Variants in ADRA1A observed in about 807,000 individuals in gnomAD.
ADRA1A encodes alpha-1A adrenergic receptor.
In ADRA1A, 31 loss-of-function variants were observed where a neutral mutation model predicts 29.6. The observed-to-expected ratio is 1.05, with a 90% CI of 0.79 to 1.41. The LOEUF (loss-of-function observed/expected upper bound fraction) is 1.41, where lower values mean the gene tolerates loss of function less well. Ranked by LOEUF, ADRA1A falls within the 40% of genes most tolerant of loss-of-function variation. The probability of loss-of-function intolerance (pLI) is 0.00; values close to 1 mark genes in which losing one functional copy is unlikely to be tolerated. For synonymous variants in ADRA1A, 311 were observed against 254.3 expected, an observed-to-expected ratio of 1.22 and a Z score of -2.12; for missense variants, 619 against 601.1, an observed-to-expected ratio of 1.03 and a Z score of -0.31.
chr8:26,781,404 CT>C, intron 2 of ADRA1A, among the ~76,000 whole-genome samples: 1 of 152,216 alleles, frequency 6.6e-6, no homozygotes, highest in East Asian at 1.9e-4. Context: ...CAACATGATT[CT>C]CAATGAATGC....
In ADRA1A at chr8:26,867,261, C is replaced by A; in HGVS notation, c.-1012G>T. ...AAAAGAATAGCAAGGAACTTTGCAGCTCTCGCTGACGTAACTCAGGCAGTA... is the reference window on the plus strand; with the variant it reads ...AAAAGAATAGCAAGGAACTTTGCAGATCTCGCTGACGTAACTCAGGCAGTA... On this transcript the variant is annotated 5_prime_UTR_variant, in exon 1 of 3. Transcript: ENST00000380573. The A allele has an allele frequency of 2.0e-6, 2 of 985,482 alleles. No individual in the cohort carries two copies. The highest frequency in any genetic ancestry group is 2.4e-6 in the Non-Finnish European group (2 of 829,956). The allele number at this position is 985,482 out of a possible 1,614,324, so 61.0% of individuals were successfully genotyped here. A position where few individuals can be genotyped will look rare whatever the true frequency, so the allele number is the denominator to read the frequency against.
At chr8:26,795,865 C>A (rs1808156287) in intron 2 of ADRA1A, among the ~76,000 whole-genome samples, 1 of 151,812 alleles carries the variant, frequency 6.6e-6, no homozygotes, top group African/African-American at 2.4e-5. Flanking sequence ...ATAGAAATTC[C>A]AAGAAAAAGA....
rs538799421 is a variant in ADRA1A, at chr8:26,865,694, C to A, written c.-686-39G>T. The stretch of plus-strand genomic sequence containing the variant: ...AAGAGAAAGGCGGCTTTGAGCTAGG[C>A]GCCCCAGGGAAAGAGGCTGTGCTGA... On this transcript the variant is annotated intron_variant, in intron 1 of 2. Coordinates refer to ENST00000380573, the MANE Select transcript of ADRA1A (RefSeq NM_000680.4). This position sits in a 1 kb window ranked among gnomAD's most constrained non-coding sequence, Gnocchi z 7.6. The A allele has an allele frequency of 5.1e-6, 5 of 985,762 alleles. No individual in the cohort carries two copies. The highest frequency in any genetic ancestry group is 1.7e-5 in the African/African-American group (1 of 57,364). 61.1% of individuals were successfully genotyped at this position (985,762 alleles called of 1,614,324 possible). A position where few individuals can be genotyped will look rare whatever the true frequency, so the allele number is the denominator to read the frequency against.
chr8:26,766,260 C>T, downstream of ADRA1A: 1 of 784,876 alleles, frequency 1.3e-6, no homozygotes, highest in Non-Finnish European at 2.2e-6. Flanking sequence ...TTTCTATGAA[C>T]TGTGGTTGGT....
At chr8:26,862,154 T>C (rs1231169066) in intron 2 of ADRA1A, among the ~76,000 whole-genome samples, 1 of 152,208 alleles carries the variant, frequency 6.6e-6, no homozygotes, top group Non-Finnish European at 1.5e-5. Flanking sequence ...TCCCTGTCTG[T>C]AGTTGAGCCA....
chr8:26,753,519 G>C (rs771003990), downstream of ADRA1A, among the ~76,000 whole-genome samples: 29 of 151,946 alleles, frequency 1.9e-4, no homozygotes, highest in Non-Finnish European at 3.7e-4. Context: ...TCTTTGGAAG[G>C]TAAACTTAAA....
chr8:26,851,050 GGAGT>G (rs145227119), intron 2 of ADRA1A, among the ~76,000 whole-genome samples: 3,258 of 152,190 alleles, frequency 0.021, 132 homozygotes, highest in African/African-American at 0.074. Flanking sequence ...CCAGAGCACA[GGAGT>G]GAGTAAGTCA....
At chr8:26,785,154 A>G (rs1482019380) in intron 2 of ADRA1A, among the ~76,000 whole-genome samples, 1 of 152,220 alleles carries the variant, frequency 6.6e-6, no homozygotes, top group Non-Finnish European at 1.5e-5. Flanking sequence ...ATATTGCAAT[A>G]AGGTGTACAT....
chr8:26,772,094 C>G lies in ADRA1A; in HGVS notation c.884-1428G>C, dbSNP rs187432264. On this transcript the variant is annotated intron_variant, in intron 2 of 2. Coordinates refer to ENST00000380573, the MANE Select transcript of ADRA1A (RefSeq NM_000680.4). ...AAGGTGGAAGCAAAGAAAGAAGAAT[C>G]TGGAGTCTGATGATAATATGGGCTT... 2.8e-3 allele frequency: 440 copies of G among 157,408 alleles called. 8 individuals are homozygous for G. Among genetic ancestry groups the G allele is most frequent in the Admixed American group, 0.023 (368 of 16,272 alleles). The allele number at this position is 157,408 out of a possible 1,614,324, so 9.8% of individuals were successfully genotyped here.
At position 26,864,491 on chromosome 8, in the gene ADRA1A, C is replaced by T. The variant is rs1037610094; in HGVS notation, c.479G>A (p.Gly160Glu). 17 of 1,613,804 alleles carry T rather than the reference C, an allele frequency of 1.1e-5. No individual in the cohort carries two copies. Among genetic ancestry groups the T allele is most frequent in the Non-Finnish European group, 1.4e-5 (17 of 1,180,042 alleles). The stretch of plus-strand genomic sequence containing the variant: ...CGGCTGCCTCCAGCCGAACAGGGGT[C>T]CAATGGATATGACCAGGGAGAGTGC... ...VWALSLVISI[G>E]PLFGWRQPAP... is the part of the protein sequence containing the mutation. Residue 160 changes from glycine (G) to glutamate (E), a missense_variant, in exon 2 of 3, where the codon GGA (glycine) becomes GAA (glutamate). Physicochemically the swap from Gly to Glu is moderately conservative, Grantham distance 98 (BLOSUM62 -2). Transcript: ENST00000380573. The surrounding 1 kb of genome is among the most constrained non-coding windows in gnomAD (Gnocchi z 8.1).
At chr8:26,804,747 G>T (rs1393186760) in intron 2 of ADRA1A, among the ~76,000 whole-genome samples, 2 of 152,188 alleles carry the variant, frequency 1.3e-5, no homozygotes, top group African/African-American at 4.8e-5. Context: ...ACCTCTGTGT[G>T]TCTCATTGGA....
Position 26,864,323 on chromosome 8 carries a change from C to CG in ADRA1A, c.646dup (p.Arg216ProfsTer85), listed in dbSNP as rs1486909427. On this transcript the variant is annotated frameshift_variant, in exon 2 of 3. Transcript: ENST00000380573. LOFTEE classifies it high-confidence loss of function. This position sits in a 1 kb window ranked among gnomAD's most constrained non-coding sequence, Gnocchi z 8.1. The stretch of plus-strand genomic sequence containing the variant: ...GGTCTTGAGGCCAGACTTGAGGCCC[C>CG]GGCTCTCCCTCTTGGCCACCACGTA... 6.2e-7 allele frequency: 1 copy of CG among 1,613,894 alleles called. No individual in the cohort carries two copies. The highest frequency in any genetic ancestry group is 1.3e-5 in the African/African-American group (1 of 74,936).
chr8:26,824,041 A>C (rs577713807), intron 2 of ADRA1A, among the ~76,000 whole-genome samples: 81 of 152,118 alleles, frequency 5.3e-4, no homozygotes, highest in Admixed American at 9.8e-4. Context: ...CTCAGCCCCC[A>C]CACCTGCTGT....
chr8:26,795,803 G>A (rs1808153150), intron 2 of ADRA1A, among the ~76,000 whole-genome samples: 1 of 152,112 alleles, frequency 6.6e-6, no homozygotes, highest in Non-Finnish European at 1.5e-5. Context: ...CCACTGTGAT[G>A]AAGTCAGCAA....
intron 2 of ADRA1A, among the ~76,000 whole-genome samples, chr8:26,804,765 A>T (rs1158718602): frequency 6.6e-6 from 1 of 152,226 alleles, no homozygotes; most frequent in South Asian, 2.1e-4. Flanking sequence ...GGAAGAACAT[A>T]TGATGCTTCG....
chr8:26,775,045 C>T lies in ADRA1A; in HGVS notation c.884-4379G>A, dbSNP rs1191999298. Reference sequence around the variant, plus strand: ...ACCAGCCTGGTTCAGGGGTGGGTGCCTCTGACCCAGTCACTCTGTGGGGAA... The same window carrying T: ...ACCAGCCTGGTTCAGGGGTGGGTGCTTCTGACCCAGTCACTCTGTGGGGAA... On this transcript the variant is annotated intron_variant, in intron 2 of 2. Transcript: ENST00000380573. This position sits in a 1 kb window ranked among gnomAD's most constrained non-coding sequence, Gnocchi z 4.1. 6.7e-6 allele frequency among the ~76,000 whole-genome samples: 1 copy of T among 148,868 alleles called. No homozygotes were observed. The highest frequency in any genetic ancestry group is 1.5e-5 in the Non-Finnish European group (1 of 67,674).
chr8:26,768,577 C>G (rs925544994), downstream of ADRA1A, among the ~76,000 whole-genome samples: 2 of 152,102 alleles, frequency 1.3e-5, no homozygotes, highest in African/African-American at 4.8e-5. Context: ...CCACACCTGA[C>G]CTCATGTCTA....
At position 26,864,484 on chromosome 8, in the gene ADRA1A, C is replaced by G. The variant is rs759112982; in HGVS notation, c.486G>C (p.Leu162=). ...ALSLVISIGP[L]FGWRQPAPED... Reference sequence around the variant, plus strand: ...CGGGGGCCGGCTGCCTCCAGCCGAACAGGGGTCCAATGGATATGACCAGGG... The same window carrying G: ...CGGGGGCCGGCTGCCTCCAGCCGAAGAGGGGTCCAATGGATATGACCAGGG... Residue 162 remains leucine, a synonymous_variant, in exon 2 of 3, where the codon CTG becomes CTC. Transcript: ENST00000380573. This position sits in a 1 kb window ranked among gnomAD's most constrained non-coding sequence, Gnocchi z 8.1. 1.2e-6 allele frequency: 2 copies of G among 1,613,872 alleles called. No individual in the cohort carries two copies. Among genetic ancestry groups the G allele is most frequent in the South Asian group, 2.2e-5 (2 of 91,078 alleles).
At chr8:26,756,685 G>A (rs377599583) in exon 3 of ADRA1A, 303 of 1,612,836 alleles carry the variant, frequency 1.9e-4, no homozygotes, top group Middle Eastern at 3.3e-4. Flanking sequence ...ACAGTGGGTC[G>A]CAGGACCAGT....
Sources: gnomAD v4.1 joint callset for allele counts (sites outside exome capture counted in the v4.1 genomes callset) on GRCh38, gnomAD v4.1.1 for gene constraint, Gnocchi (gnomAD v3.1) non-coding constraint, MANE v1.5 for transcripts, NCBI Gene and HGNC (gene_info 2026-07-23, HGNC 2026-07-21) for gene names.